The following ZNF248 variants were observed in gnomAD, a reference collection of about 807,000 sequenced individuals.
ZNF248 encodes KRAB protein domain.
Under a neutral mutation model 44.3 loss-of-function variants are expected in ZNF248, and 20 were observed. The observed-to-expected ratio is 0.45, with a 90% confidence interval of 0.32 to 0.66. ZNF248 has a LOEUF of 0.66. Among genes scored for constraint, ZNF248 ranks in the 30% least tolerant of loss-of-function variants. The pLI, the probability that ZNF248 is intolerant of heterozygous loss-of-function variation, is 0.04. For synonymous variants in ZNF248, 224 were observed against 229.0 expected, an observed-to-expected ratio of 0.98 and a Z score of 0.20; for missense variants, 654 against 677.0, an observed-to-expected ratio of 0.97 and a Z score of 0.38.
At chr10:37,823,317 A>G (rs1311447329) in intron 6 of ZNF248, among the ~76,000 whole-genome samples, 3 of 124,036 alleles carry the variant, frequency 2.4e-5, no homozygotes, top group Non-Finnish European at 4.9e-5. Flanking sequence ...CTGGTGACAG[A>G]GCGAGACTCC....
At chr10:37,849,782 A>T (rs2059922849) in intron 3 of ZNF248, among the ~76,000 whole-genome samples, 1 of 152,032 alleles carries the variant, frequency 6.6e-6, no homozygotes, top group Admixed American at 6.6e-5. Context: ...AATATAAAGA[A>T]GTTCAGGGGG....
chr10:37,824,713 C>T (rs2133728886), downstream of ZNF248, among the ~76,000 whole-genome samples: 1 of 65,042 alleles, frequency 1.5e-5, no homozygotes, highest in East Asian at 5.1e-4. Context: ...ACGGAGTCTC[C>T]CTCTGTAGCC....
intron 6 of ZNF248, among the ~76,000 whole-genome samples, chr10:37,784,374 C>T (rs551685097): frequency 3.3e-5 from 5 of 152,264 alleles, no homozygotes; most frequent in East Asian, 3.9e-4. Flanking sequence ...ACTTATTAGG[C>T]GCCAGAGCCT....
At chr10:37,764,534 A>G in the ZNF248 span, among the ~76,000 whole-genome samples, 1 of 152,162 alleles carries the variant, frequency 6.6e-6, no homozygotes, top group Admixed American at 6.5e-5. Context: ...CCTTTTGAAA[A>G]TCACTAATAA....
Position 37,832,117 on chromosome 10 carries a change from C to T in ZNF248, c.1238G>A (p.Cys413Tyr). 1 of 1,613,984 alleles carries T rather than the reference C, an allele frequency of 6.2e-7. No individual in the cohort carries two copies. Among genetic ancestry groups the T allele is most frequent in the Non-Finnish European group, 8.5e-7 (1 of 1,179,948 alleles). ...TGGTTTCTGGCAAAAGGCTTTCCCA[C>T]ATTCAGTACATTCATAGGGCTTCTC... The part of the protein sequence containing the change: ...TGEKPYECTE[C>Y]GKAFCQKPHL... The change falls in exon 6 of 6, where the codon TGT becomes TAT. Residue 413 changes from cysteine to tyrosine, a missense_variant. Physicochemically the swap from Cys to Tyr is radical, Grantham distance 194. Transcript: ENST00000395867.
chr10:37,844,521 A>AT (rs2058933408), intron 3 of ZNF248, among the ~76,000 whole-genome samples: 1 of 152,240 alleles, frequency 6.6e-6, no homozygotes, highest in Non-Finnish European at 1.5e-5. Context: ...GTTTAGGAAA[A>AT]TGCATACACA....
At chr10:37,813,925 G>T (rs181483806) in intron 6 of ZNF248, among the ~76,000 whole-genome samples, 1 of 152,126 alleles carries the variant, frequency 6.6e-6, no homozygotes. Context: ...ATTAGAACCT[G>T]AGTCTCTTGT....
At chr10:37,797,596 C>G (rs1030142377) in intron 6 of ZNF248, among the ~76,000 whole-genome samples, 1 of 152,030 alleles carries the variant, frequency 6.6e-6, no homozygotes, top group Non-Finnish European at 1.5e-5. Flanking sequence ...TAAAAAAATT[C>G]TTATATCCCA....
intron 6 of ZNF248, among the ~76,000 whole-genome samples, chr10:37,812,557 G>C (rs1167226527): frequency 1.3e-5 from 2 of 152,096 alleles, no homozygotes; most frequent in African/African-American, 4.8e-5. Flanking sequence ...CATTTTTCTG[G>C]ATAGGTTTCA....
At chr10:37,811,124 T>C (rs1039234968) in intron 6 of ZNF248, among the ~76,000 whole-genome samples, 3 of 152,218 alleles carry the variant, frequency 2.0e-5, no homozygotes, top group Non-Finnish European at 2.9e-5. Context: ...CAGAGAAAAG[T>C]CATGATATTA....
At chr10:37,853,631 C>T (rs1590018640) in intron 3 of ZNF248, among the ~76,000 whole-genome samples, 1 of 151,554 alleles carries the variant, frequency 6.6e-6, no homozygotes, top group East Asian at 2.0e-4. Context: ...CCACCCACCT[C>T]GGCCTCCCAA....
Position 37,836,943 on chromosome 10 carries a change from C to T in ZNF248, c.238+674G>A, listed in dbSNP as rs550039051. 1.5e-4 allele frequency among the ~76,000 whole-genome samples: 23 copies of T among 149,770 alleles called. No individual in the cohort carries two copies. In the South Asian group the frequency reaches 2.9e-3, roughly 19 times the overall value. ...AATATATAGAAGGATTGCATGAATACCTGTCAGCTAACAAAAGGTGTCTAA... is the reference window on the plus strand; with the variant it reads ...AATATATAGAAGGATTGCATGAATATCTGTCAGCTAACAAAAGGTGTCTAA... On this transcript the variant is annotated intron_variant, in intron 5 of 5. Transcript: ENST00000395867.
chr10:37,770,570 T>C, the ZNF248 span, among the ~76,000 whole-genome samples: 1 of 152,214 alleles, frequency 6.6e-6, no homozygotes, highest in Non-Finnish European at 1.5e-5. Context: ...GCTAGCCATA[T>C]GTAGAAAGCT....
At position 37,823,333 on chromosome 10, in the gene ZNF248, CAAAAAAAAAAAAAAAA is replaced by C. The variant is rs60957023; in HGVS notation, c.330+9676_330+9691del. Reference sequence around the variant, plus strand: ...TGGTGACAGAGCGAGACTCCGTCTCCAAAAAAAAAAAAAAAAAAAAAAAAAAAAAGCAAATAACAAC... The same window carrying C: ...TGGTGACAGAGCGAGACTCCGTCTCCAAAAAAAAAAAAAGCAAATAACAAC... On this transcript the variant is annotated intron_variant, in intron 6 of 6. Transcript: ENST00000615949. 8.4e-3 allele frequency among the ~76,000 whole-genome samples: 148 copies of C among 17,540 alleles called. 2 individuals carry two copies. The highest frequency in any genetic ancestry group is 0.03 in the African/African-American group (130 of 4,346). 11.5% of individuals were successfully genotyped at this position (17,540 alleles called of 152,430 possible). A position where few individuals can be genotyped will look rare whatever the true frequency, so the allele number is the denominator to read the frequency against.
At chr10:37,768,982 T>C in the ZNF248 span, among the ~76,000 whole-genome samples, 1 of 152,168 alleles carries the variant, frequency 6.6e-6, no homozygotes. Flanking sequence ...CATCAGAGAA[T>C]ACTACAAACA....
rs1335010075 is a variant in ZNF248 at position 37,857,251 on chromosome 10, G to A, written c.-192C>T. On this transcript the variant is annotated 5_prime_UTR_variant, in exon 1 of 6. It introduces an in-frame stop codon into an upstream open reading frame of the 5' UTR. Coordinates refer to ENST00000395867, the MANE Select transcript of ZNF248 (RefSeq NM_021045.3). Reference sequence around the variant, plus strand: ...CAGACTCCGACGGCTTCAGGATACTGTGCCATGATTACACATAATACATAA... The same window carrying A: ...CAGACTCCGACGGCTTCAGGATACTATGCCATGATTACACATAATACATAA... The A allele has an allele frequency of 6.6e-6, 1 of 152,516 alleles. No homozygotes were observed. The highest frequency in any genetic ancestry group is 1.5e-5 in the Non-Finnish European group (1 of 68,114). 9.4% of individuals were successfully genotyped at this position (152,516 alleles called of 1,614,324 possible).
rs544816067 is a variant in ZNF248, at chr10:37,834,913, T to C, written c.239-1797A>G. ...ATTTTAGGGAGCAGAAACAAAGAAA[T>C]TTAAGACAGGTAGCAAGGGCTACAC... On this transcript the variant is annotated intron_variant, in intron 5 of 5. Coordinates refer to ENST00000395867, the MANE Select transcript of ZNF248 (RefSeq NM_021045.3). Among the ~76,000 whole-genome samples the C allele has an allele frequency of 2.0e-5, 3 of 152,136 alleles. No individual in the cohort carries two copies. The South Asian group carries it at 6.2e-4, about 32-fold the overall frequency.
chr10:37,820,044 T>C, intron 6 of ZNF248: 3 of 810,442 alleles, frequency 3.7e-6, no homozygotes, highest in Non-Finnish European at 6.7e-6. Flanking sequence ...TTCTTGCTCA[T>C]TGTCACACAT....
chr10:37,822,461 C>G (rs2053634400), intron 6 of ZNF248, among the ~76,000 whole-genome samples: 1 of 152,096 alleles, frequency 6.6e-6, no homozygotes, highest in Non-Finnish European at 1.5e-5. Context: ...TTCATCCTCT[C>G]AGTTCATTTG....
Sources: gnomAD v4.1 joint callset for allele counts (sites outside exome capture counted in the v4.1 genomes callset) on GRCh38, gnomAD v4.1.1 for gene constraint, MANE v1.5 for transcripts, NCBI Gene and HGNC (gene_info 2026-07-23, HGNC 2026-07-21) for gene names.